SLC1A1: variants seen among roughly 807,000 people sequenced by gnomAD.
The protein encoded by SLC1A1 is solute carrier family 1 member 1, also known as excitatory amino acid transporter 3.
Under a neutral mutation model 53.3 loss-of-function variants are expected in SLC1A1, and 43 were observed. That is an observed-to-expected ratio of 0.81 (90% CI 0.63 to 1.04). The LOEUF is 1.04. SLC1A1 is among the 50% of genes least tolerant of loss of function. The pLI, the probability that SLC1A1 is intolerant of heterozygous loss-of-function variation, is 0.00. For missense variants in SLC1A1, 748 were observed against 664.9 expected, an observed-to-expected ratio of 1.12 and a Z score of -1.37; for synonymous variants, 307 against 243.2, an observed-to-expected ratio of 1.26 and a Z score of -2.44.
intron 2 of SLC1A1, among the ~76,000 whole-genome samples, chr9:4,547,465 G>A (rs974087846): frequency 6.6e-6 from 1 of 152,084 alleles, no homozygotes; most frequent in Non-Finnish European, 1.5e-5. Flanking sequence ...AGCAGGGTGG[G>A]GACAATGATG....
intron 1 of SLC1A1, among the ~76,000 whole-genome samples, chr9:4,532,697 C>T (rs959406591): frequency 6.6e-6 from 1 of 152,110 alleles, no homozygotes; most frequent in Non-Finnish European, 1.5e-5. Context: ...CATTCAAATT[C>T]AGGAAATACA....
At chr9:4,516,897 T>A (rs1409557516) in intron 1 of SLC1A1, among the ~76,000 whole-genome samples, 1 of 152,114 alleles carries the variant, frequency 6.6e-6, no homozygotes, top group Admixed American at 6.6e-5. Flanking sequence ...TAGTCTTGGT[T>A]TTCTAAACCA....
chr9:4,523,125 A>G (rs1479638689), intron 1 of SLC1A1, among the ~76,000 whole-genome samples: 7 of 151,874 alleles, frequency 4.6e-5, no homozygotes, highest in African/African-American at 1.5e-4. Flanking sequence ...TCCACCTTCC[A>G]TTGTTCAGTA....
rs190136959 is a variant in SLC1A1, at chr9:4,537,049, G to T, written c.92-7518G>T. On this transcript the variant is annotated intron_variant, in intron 1 of 11. Coordinates refer to ENST00000262352, the MANE Select transcript of SLC1A1 (RefSeq NM_004170.6). ...CACACACCAGGGCCTGTTGTGGAGT[G>T]GGGGGAGGAGGGAGGGATAGCATTA... Among the ~76,000 whole-genome samples the T allele has an allele frequency of 1.9e-3, 270 of 140,678 alleles. 2 individuals carry two copies. Among genetic ancestry groups the T allele is most frequent in the Non-Finnish European group, 1.6e-3 (98 of 59,970 alleles). The allele number at this position is 140,678 out of a possible 152,430, so 92.3% of individuals were successfully genotyped here. A position where few individuals can be genotyped will look rare whatever the true frequency, so the allele number is the denominator to read the frequency against.
At chr9:4,522,212 C>A (rs540298460) in intron 1 of SLC1A1, among the ~76,000 whole-genome samples, 2 of 151,728 alleles carry the variant, frequency 1.3e-5, no homozygotes, top group Non-Finnish European at 2.9e-5. Flanking sequence ...CCACCACGCC[C>A]GGCTAATTTT....
chr9:4,563,597 C>A (rs1393075668), intron 3 of SLC1A1, among the ~76,000 whole-genome samples: 5 of 152,094 alleles, frequency 3.3e-5, no homozygotes, highest in Non-Finnish European at 7.4e-5. Flanking sequence ...GCATGAGGAC[C>A]TTTTTCTTCT....
chr9:4,557,510 G>A (rs879424916), intron 2 of SLC1A1, among the ~76,000 whole-genome samples: 1 of 152,244 alleles, frequency 6.6e-6, no homozygotes, highest in South Asian at 2.1e-4. Flanking sequence ...AACTGGCCAG[G>A]TGTGGTGGCT....
chr9:4,519,176 G>T (rs768637076), intron 1 of SLC1A1, among the ~76,000 whole-genome samples: 1 of 152,216 alleles, frequency 6.6e-6, no homozygotes, highest in Non-Finnish European at 1.5e-5. Context: ...CCTCCACTGG[G>T]AGTGTGTCTT....
At chr9:4,500,745 G>A (rs186289404) in intron 1 of SLC1A1, among the ~76,000 whole-genome samples, 1 of 152,280 alleles carries the variant, frequency 6.6e-6, no homozygotes, top group Admixed American at 6.5e-5. Context: ...GTGTTTCAGT[G>A]ACTCACTCTT....
Position 4,583,017 on chromosome 9 carries a change from C to G in SLC1A1, c.1194-21C>G. On this transcript the variant is annotated intron_variant, in intron 10 of 11. Coordinates refer to ENST00000262352, the MANE Select transcript of SLC1A1 (RefSeq NM_004170.6). The surrounding 1 kb of genome is among the most constrained non-coding windows in gnomAD (Gnocchi z 4.6). ...GGAGAGGTAAGTGTCTAACTCCTTT[C>G]CTGCTGGTATGTTTCTGCAGTATCA... 6.2e-7 allele frequency: 1 copy of G among 1,614,160 alleles called. No individual in the cohort carries two copies. Among genetic ancestry groups the G allele is most frequent in the Non-Finnish European group, 8.5e-7 (1 of 1,180,010 alleles).
chr9:4,565,113 G>C (rs1166743060), intron 4 of SLC1A1, among the ~76,000 whole-genome samples: 1 of 152,122 alleles, frequency 6.6e-6, no homozygotes, highest in Non-Finnish European at 1.5e-5. Flanking sequence ...AATCTTTCCA[G>C]TTTTTCTTTT....
At chr9:4,527,709 C>T (rs1456045703) in intron 1 of SLC1A1, among the ~76,000 whole-genome samples, 3 of 152,114 alleles carry the variant, frequency 2.0e-5, no homozygotes, top group Non-Finnish European at 4.4e-5. Context: ...AATGTCTATG[C>T]GAACATCTCT....
At chr9:4,552,801 T>C (rs1818042321) in intron 2 of SLC1A1, among the ~76,000 whole-genome samples, 1 of 151,274 alleles carries the variant, frequency 6.6e-6, no homozygotes, top group African/African-American at 2.4e-5. Flanking sequence ...TCATAGAACA[T>C]CTAGAATGCC....
intron 1 of SLC1A1, among the ~76,000 whole-genome samples, chr9:4,510,077 G>T (rs568477965): frequency 1.3e-5 from 2 of 152,058 alleles, no homozygotes; most frequent in Non-Finnish European, 2.9e-5. Context: ...CAAGTGATCC[G>T]CCCACCTTGG....
intron 7 of SLC1A1, among the ~76,000 whole-genome samples, chr9:4,573,370 C>A (rs1208885983): frequency 6.6e-6 from 1 of 152,166 alleles, no homozygotes; most frequent in Admixed American, 6.5e-5. Context: ...ATAAAAGCTA[C>A]CCCCAGGGAT....
intron 1 of SLC1A1, among the ~76,000 whole-genome samples, chr9:4,494,446 T>A (rs1820343609): frequency 6.6e-6 from 1 of 152,168 alleles, no homozygotes. Context: ...ATAAATTCTC[T>A]CATAGTATGT....
intron 1 of SLC1A1, among the ~76,000 whole-genome samples, chr9:4,520,521 T>C (rs1816031309): frequency 1.3e-5 from 2 of 152,250 alleles, no homozygotes; most frequent in Non-Finnish European, 2.9e-5. Context: ...CATGGACTTT[T>C]GTGACTGGCT....
rs1164754975 is a variant in SLC1A1, at chr9:4,577,377, G to A, written c.1193+614G>A. Among the ~76,000 whole-genome samples the A allele has an allele frequency of 5.9e-5, 9 of 152,320 alleles. 1 individual carries two copies. Among genetic ancestry groups the A allele is most frequent in the South Asian group, 4.2e-4 (2 of 4,816 alleles). ...CATAAACATTCCTTTATGTTTAAACGAATGAGGAGGCAGGGGTCATGTCAT... is the reference window on the plus strand; with the variant it reads ...CATAAACATTCCTTTATGTTTAAACAAATGAGGAGGCAGGGGTCATGTCAT... On this transcript the variant is annotated intron_variant, in intron 10 of 11. Coordinates refer to ENST00000262352, the MANE Select transcript of SLC1A1 (RefSeq NM_004170.6).
chr9:4,553,793 G>A (rs904341585), intron 2 of SLC1A1: 1 of 152,206 alleles, frequency 6.6e-6, no homozygotes, highest in African/African-American at 2.4e-5. Context: ...AAATAGCCTA[G>A]AGTGGTGATA....
Sources: allele counts gnomAD v4.1 joint callset (sites outside exome capture counted in the v4.1 genomes callset), GRCh38; gene constraint gnomAD v4.1.1; non-coding constraint Gnocchi (gnomAD v3.1); transcripts MANE v1.5; gene names NCBI Gene and HGNC (gene_info 2026-07-23, HGNC 2026-07-21).